GEMIN4: variants seen among roughly 807,000 people sequenced by gnomAD.
The protein encoded by GEMIN4 is gem nuclear organelle associated protein 4, also known as gem-associated protein 4.
GEMIN4 carries 59 observed loss-of-function variants against 76.8 expected under a neutral mutation model. The ratio of observed to expected loss-of-function variants is 0.77; its 90% CI spans 0.62 to 0.95. The LOEUF (loss-of-function observed/expected upper bound fraction) is 0.95, where lower values mean the gene tolerates loss of function less well. Ranked by LOEUF, GEMIN4 falls within the 40% of genes least tolerant of loss-of-function variation. The probability of loss-of-function intolerance (pLI) is 0.00; values close to 1 mark genes in which losing one functional copy is unlikely to be tolerated. For synonymous variants in GEMIN4, 562 were observed against 559.7 expected, an observed-to-expected ratio of 1.00 and a Z score of -0.06; for missense variants, 1,311 against 1,318.9, an observed-to-expected ratio of 0.99 and a Z score of 0.09.
Position 745,015 on chromosome 17 carries a change from T to C in GEMIN4, c.3028A>G (p.Thr1010Ala), listed in dbSNP as rs760266232. The part of the protein sequence containing the change: ...PLYVLALETL[T>A]CYETLSKTNP... Reference sequence around the variant, plus strand: ...GTCTTGCTCAAAGTCTCATAGCAGGTGAGGGTTTCCAAGGCTAAAACGTAG... The same window carrying C: ...GTCTTGCTCAAAGTCTCATAGCAGGCGAGGGTTTCCAAGGCTAAAACGTAG... The change falls in exon 2 of 2, where the codon ACC (threonine) becomes GCC (alanine). Residue 1010 changes from threonine (T) to alanine (A), a missense_variant. Around this residue, in one of 2 missense-constraint regions of GEMIN4, gnomAD observed 1,208 missense variants for 1,166.9 expected, o/e 1.04. Transcript: ENST00000319004. This position sits in a 1 kb window ranked among gnomAD's most constrained non-coding sequence, Gnocchi z 4.6. The C allele has an allele frequency of 6.8e-6, 11 of 1,613,792 alleles. No homozygotes were observed. Among genetic ancestry groups the C allele is most frequent in the African/African-American group, 2.7e-5 (2 of 75,018 alleles).
chr17:751,750 T>C (rs544353919), intron 1 of GEMIN4: 16 of 247,878 alleles, frequency 6.5e-5, no homozygotes, highest in Admixed American at 2.2e-4. Context: ...CGTAAGACAC[T>C]TGGAGCGTTA....
chr17:746,218 C>G lies in GEMIN4; in HGVS notation c.1825G>C (p.Glu609Gln). Residue 609 changes from glutamate to glutamine, a missense_variant, in exon 2 of 2, where the codon GAA (glutamate) becomes CAA (glutamine). Coordinates refer to ENST00000319004, the MANE Select transcript of GEMIN4 (RefSeq NM_015721.3). This position sits in a 1 kb window ranked among gnomAD's most constrained non-coding sequence, Gnocchi z 4.3. ...SATFMVSCLK[E>Q]TVWMKFSTPK... ...GTAGAGAACTTCATCCAGACGGTTT[C>G]TTTGAGGCATGACACCATGAAAGTG... 6.2e-7 allele frequency: 1 copy of G among 1,613,750 alleles called. No individual in the cohort carries two copies. The highest frequency in any genetic ancestry group is 8.5e-7 in the Non-Finnish European group (1 of 1,179,886).
chr17:745,757 C>T lies in GEMIN4; in HGVS notation c.2286G>A (p.Lys762=). 6.2e-7 allele frequency: 1 copy of T among 1,610,658 alleles called. No individual in the cohort carries two copies. ...CCACAGTCCAGTCTAGCTGTTCTAA[C>T]TTGCGGTGGAGCCAGGACAGGGACT... is the stretch of plus-strand genomic sequence containing the variant. ...WIKSLSWLHR[K]LEQLDWTVGL... The change falls in exon 2 of 2, where the codon AAG becomes AAA. Residue 762 remains lysine (K), a synonymous_variant. Coordinates refer to ENST00000319004, the MANE Select transcript of GEMIN4 (RefSeq NM_015721.3). This position sits in a 1 kb window ranked among gnomAD's most constrained non-coding sequence, Gnocchi z 4.6.
rs730882219 is a variant in GEMIN4 at position 745,591 on chromosome 17, A to G, written c.2452T>C (p.Trp818Arg). The change falls in exon 2 of 2, where the codon TGG becomes CGG. Residue 818 changes from tryptophan (W) to arginine (R), a missense_variant. Transcript: ENST00000319004. This position sits in a 1 kb window ranked among gnomAD's most constrained non-coding sequence, Gnocchi z 4.6. ...GYGAGTGLLA[W>R]MECCCVSSGI... is the part of the protein sequence containing the mutation. ...CTGGAGACGCAGCAGCACTCCATCC[A>G]GGCCAGGAGCCCCGTGCCAGCCCCG... 6 of 1,611,044 alleles carry G rather than the reference A, an allele frequency of 3.7e-6. No individual in the cohort carries two copies. In the South Asian group the frequency reaches 6.6e-5, roughly 18 times the overall value.
rs1446153691 is a variant in GEMIN4 at position 746,248 on chromosome 17, A to G, written c.1795T>C (p.Ser599Pro). The change falls in exon 2 of 2, where the codon TCT becomes CCT. Residue 599 changes from serine (S) to proline (P), a missense_variant. Physicochemically the swap from Ser to Pro is moderately conservative, Grantham distance 74. Around this residue, in one of 2 missense-constraint regions of GEMIN4, gnomAD observed 1,208 missense variants for 1,166.9 expected, o/e 1.04. Coordinates refer to ENST00000319004, the MANE Select transcript of GEMIN4 (RefSeq NM_015721.3). This position sits in a 1 kb window ranked among gnomAD's most constrained non-coding sequence, Gnocchi z 4.3. ...AGGCATGACACCATGAAAGTGGCAG[A>G]TGAATTGGGACCCTGCTCTTCCACA... is the stretch of plus-strand genomic sequence containing the variant. ...RFVEEQGPNS[S>P]ATFMVSCLKE... 6.2e-7 allele frequency: 1 copy of G among 1,613,782 alleles called. No individual in the cohort carries two copies. The highest frequency in any genetic ancestry group is 1.3e-5 in the African/African-American group (1 of 75,042).
chr17:752,100 C>G, intron 1 of GEMIN4, 33 bp downstream of exon 1: 1 of 1,228,030 alleles, frequency 8.1e-7, no homozygotes, highest in Non-Finnish European at 1.0e-6. Flanking sequence ...CATTGCTGGA[C>G]GCAGCCCGGG....
chr17:747,878 C>T lies in GEMIN4; in HGVS notation c.165G>A (p.Ser55=), dbSNP rs150160877. The change falls in exon 2 of 2, where the codon TCG becomes TCA. Residue 55 remains serine (S), a synonymous_variant. Transcript: ENST00000319004. ...PIVEALREIS[S]AAAHSQPFAW... Reference sequence around the variant, plus strand: ...CAAAGGGCTGGGAGTGTGCTGCAGCCGAGGAGATCTCCCTTAAGGCCTCCA... The same window carrying T: ...CAAAGGGCTGGGAGTGTGCTGCAGCTGAGGAGATCTCCCTTAAGGCCTCCA... 1.3e-3 allele frequency: 2,137 copies of T among 1,613,860 alleles called. 3 individuals carry two copies. Among genetic ancestry groups the T allele is most frequent in the Non-Finnish European group, 1.7e-3 (2,001 of 1,179,880 alleles).
At chr17:754,223 C>G (rs982438355), upstream of GEMIN4, 1 of 152,204 alleles carries the variant, frequency 6.6e-6, no homozygotes, top group Non-Finnish European at 1.5e-5. Flanking sequence ...CACCCCTTGA[C>G]CTATGCAAGT....
Position 745,268 on chromosome 17 carries a change from A to G in GEMIN4, c.2775T>C (p.His925=), listed in dbSNP as rs757876739. The part of the protein sequence containing the change: ...FLRTFQFLCS[H]SCRDWLPLEG... ...CCAGAGGAAGCCAATCACGACAGCTATGGCTGCAGAGAAACTGGAAAGTCC... is the reference window on the plus strand; with the variant it reads ...CCAGAGGAAGCCAATCACGACAGCTGTGGCTGCAGAGAAACTGGAAAGTCC... The change falls in exon 2 of 2, where the codon CAT becomes CAC. Residue 925 remains histidine, a synonymous_variant. Coordinates refer to ENST00000319004, the MANE Select transcript of GEMIN4 (RefSeq NM_015721.3). The surrounding 1 kb of genome is among the most constrained non-coding windows in gnomAD (Gnocchi z 4.6). 1 of 1,611,476 alleles carries G rather than the reference A, an allele frequency of 6.2e-7. No individual in the cohort carries two copies. Among genetic ancestry groups the G allele is most frequent in the South Asian group, 1.1e-5 (1 of 90,774 alleles).
upstream of GEMIN4, chr17:753,475 TGAG>T (rs1904860957): frequency 6.1e-6 from 1 of 164,038 alleles, no homozygotes; most frequent in Admixed American, 6.5e-5. Flanking sequence ...GCGGCCAGAG[TGAG>T]GAGATGAGGA....
At position 749,816 on chromosome 17, in the gene GEMIN4, T is replaced by C. The variant is rs73975098; in HGVS notation, c.11-1784A>G. 448 of 997,200 alleles carry C rather than the reference T, an allele frequency of 4.5e-4. 1 individual carries two copies. In the African/African-American group the frequency reaches 7.3e-3, roughly 16 times the overall value. The allele number at this position is 997,200 out of a possible 1,614,324, so 61.8% of individuals were successfully genotyped here. ...GCCTTCACTCTTTATAAACTTGCCT[T>C]GGGAACAGGCTTCAAACATTCTTCT... On this transcript the variant is annotated intron_variant, in intron 1 of 1. Coordinates refer to ENST00000319004, the MANE Select transcript of GEMIN4 (RefSeq NM_015721.3).
In GEMIN4 at chr17:746,292, GC is replaced by G. The variant is rs747763804; in HGVS notation, c.1750del (p.Ala584ProfsTer30). ...THKFLAQILT[A>X]FPALRFVEEQ... ...TTCCACAAACCTAAGGGCAGGGAAG[GC>G]AGTGAGAATCTGGGCCAGGAACTTG... On this transcript the variant is annotated frameshift_variant, in exon 2 of 2. Transcript: ENST00000319004. LOFTEE classifies it high-confidence loss of function. This position sits in a 1 kb window ranked among gnomAD's most constrained non-coding sequence, Gnocchi z 4.3. 4.3e-6 allele frequency: 7 copies of G among 1,613,664 alleles called. No homozygotes were observed. The East Asian group carries it at 1.6e-4, about 36-fold the overall frequency.
Position 747,588 on chromosome 17 carries a change from G to T in GEMIN4, c.455C>A (p.Thr152Asn). 6.2e-7 allele frequency: 1 copy of T among 1,614,004 alleles called. No homozygotes were observed. Among genetic ancestry groups the T allele is most frequent in the Non-Finnish European group, 8.5e-7 (1 of 1,179,896 alleles). Residue 152 changes from threonine (T) to asparagine (N), a missense_variant, in exon 2 of 2, where the codon ACT becomes AAT. Thr to Asn is a moderately conservative substitution (Grantham distance 65). Transcript: ENST00000319004. ...GAAGAAGGCCACGTCTTCGGCAGAA[G>T]TGTCAACGGTCACATGTTCCAGAAA... ...ERFLEHVTVDTSAEDVAFFLD... is the reference protein window; with the variant it reads ...ERFLEHVTVDNSAEDVAFFLD...
rs185519369 is a variant in GEMIN4 at position 747,938 on chromosome 17, T to C, written c.105A>G (p.Thr35=). The C allele has an allele frequency of 2.5e-4, 400 of 1,613,688 alleles. 1 individual carries two copies. The highest frequency in any genetic ancestry group is 3.0e-4 in the Non-Finnish European group (356 of 1,179,800). The change falls in exon 2 of 2, where the codon ACA becomes ACG. Residue 35 remains threonine, a synonymous_variant. Coordinates refer to ENST00000319004, the MANE Select transcript of GEMIN4 (RefSeq NM_015721.3). ...GTCCAACACGTTCCCAGTCAGACTT[T>C]GTTAATTCTGCCAGTGCCTTAGGGT... The part of the protein sequence containing the change: ...LFHPKALAEL[T]KSDWERVGRP...
chr17:749,864 C>T (rs979990442), intron 1 of GEMIN4: 23 of 991,888 alleles, frequency 2.3e-5, no homozygotes, highest in Non-Finnish European at 2.4e-5. Context: ...AACGGTCCAC[C>T]CCACAGCTCC....
At position 746,438 on chromosome 17, in the gene GEMIN4, CTGAG is replaced by C. The variant is rs768112909; in HGVS notation, c.1601_1604del (p.Thr534ArgfsTer20). 6.2e-7 allele frequency: 1 copy of C among 1,613,980 alleles called. No homozygotes were observed. Among genetic ancestry groups the C allele is most frequent in the Non-Finnish European group, 8.5e-7 (1 of 1,179,902 alleles). On this transcript the variant is annotated frameshift_variant, in exon 2 of 2. Transcript: ENST00000319004. LOFTEE classifies it high-confidence loss of function. This position sits in a 1 kb window ranked among gnomAD's most constrained non-coding sequence, Gnocchi z 4.3. ...TTGCCAAGCCCTGTTCGGAGGCACTCTGAGTGAGCTGGTTAAAAGTTGTATTGAG... is the reference window on the plus strand; with the variant it reads ...TTGCCAAGCCCTGTTCGGAGGCACTCTGAGCTGGTTAAAAGTTGTATTGAG...
At position 745,815 on chromosome 17, in the gene GEMIN4, T is replaced by C. The variant is rs769841928; in HGVS notation, c.2228A>G (p.Asn743Ser). Reference protein sequence around the residue: ...LELLCEIVSANAETFSPDVWI... With the variant: ...LELLCEIVSASAETFSPDVWI... ...GACATCCGGGGAGAAGGTCTCAGCA[T>C]TGGCTGATACAATCTCACACAGGAG... The change falls in exon 2 of 2, where the codon AAT becomes AGT. Residue 743 changes from asparagine to serine, a missense_variant. Asn to Ser is a conservative substitution (Grantham distance 46). Coordinates refer to ENST00000319004, the MANE Select transcript of GEMIN4 (RefSeq NM_015721.3). This position sits in a 1 kb window ranked among gnomAD's most constrained non-coding sequence, Gnocchi z 4.6. 46 of 1,613,024 alleles carry C rather than the reference T, an allele frequency of 2.9e-5. No individual in the cohort carries two copies. Among genetic ancestry groups the C allele is most frequent in the Middle Eastern group, 1.6e-4 (1 of 6,080 alleles).
chr17:747,327 G>T lies in GEMIN4; in HGVS notation c.716C>A (p.Ala239Glu). ...RILGPGRKCC[A>E]LANLADMLTV... ...CAGCATGTCAGCCAGGTTGGCCAGC[G>T]CACAGCACTTCCTCCCCGGGCCCAG... is the stretch of plus-strand genomic sequence containing the variant. Residue 239 changes from alanine (A) to glutamate (E), a missense_variant, in exon 2 of 2, where the codon GCG (alanine) becomes GAG (glutamate). Transcript: ENST00000319004. The T allele has an allele frequency of 6.2e-7, 1 of 1,613,724 alleles. No individual in the cohort carries two copies. Among genetic ancestry groups the T allele is most frequent in the Non-Finnish European group, 8.5e-7 (1 of 1,179,876 alleles).
rs538333820 is a variant in GEMIN4 at position 752,124 on chromosome 17, G to A, written c.10+9C>T. 5.7e-6 allele frequency: 7 copies of A among 1,237,678 alleles called. No individual in the cohort carries two copies. The highest frequency in any genetic ancestry group is 4.0e-5 in the South Asian group (1 of 24,878). The allele number at this position is 1,237,678 out of a possible 1,614,324, so 76.7% of individuals were successfully genotyped here. A position where few individuals can be genotyped will look rare whatever the true frequency, so the allele number is the denominator to read the frequency against. On this transcript the variant is annotated intron_variant, in intron 1 of 1. Transcript: ENST00000319004. ...ACGCAGCCCGGGGCCGGGGAGCCGC[G>A]GCACCCACCTAGGTCCATGGCGGCG...
Sources: allele counts gnomAD v4.1 joint callset, GRCh38; gene constraint gnomAD v4.1.1; regional missense constraint gnomAD v4.1.1; non-coding constraint Gnocchi (gnomAD v3.1); transcripts MANE v1.5; gene names NCBI Gene and HGNC (gene_info 2026-07-23, HGNC 2026-07-21).